Variants in SERPINB13 observed in about 807,000 individuals in gnomAD.
The protein encoded by SERPINB13 is serpin family B member 13.
In SERPINB13, 26 loss-of-function variants were observed where a neutral mutation model predicts 31.2. The ratio of observed to expected loss-of-function variants is 0.83; its 90% confidence interval spans 0.61 to 1.15. The LOEUF is 1.15. SERPINB13 is among the 50% of genes most tolerant of loss of function. The pLI, the probability that SERPINB13 is intolerant of heterozygous loss-of-function variation, is 0.00. For missense variants in SERPINB13, 510 were observed against 469.4 expected (o/e 1.09, Z -0.80); for synonymous variants, 191 against 172.4 (o/e 1.11, Z -0.85).
intron 6 of SERPINB13, among the ~76,000 whole-genome samples, chr18:63,594,705 G>T (rs149256439): frequency 1.3e-5 from 2 of 152,210 alleles, no homozygotes; most frequent in Non-Finnish European, 2.9e-5. Context: ...TGGGTGTGGT[G>T]GTGCACGCCG....
rs1031621048 is a variant in SERPINB13 at position 63,595,148 on chromosome 18, T to C, written c.735T>C (p.Phe245=). The C allele has an allele frequency of 4.3e-6, 7 of 1,613,834 alleles. No homozygotes were observed. In the African/African-American group the frequency reaches 9.3e-5, roughly 22 times the overall value. The stretch of plus-strand genomic sequence containing the variant: ...ATAAAAACAACGACCTAAGCATGTT[T>C]GTGCTTCTGCCCAACGACATCGATG... ...IPYKNNDLSM[F]VLLPNDIDGL... The change falls in exon 7 of 8, where the codon TTT becomes TTC. Residue 245 remains phenylalanine, a synonymous_variant. Transcript: ENST00000344731.
At position 63,592,926 on chromosome 18, in the gene SERPINB13, G is replaced by A; in HGVS notation, c.427G>A (p.Glu143Lys). The change falls in exon 5 of 8, where the codon GAA becomes AAA. Residue 143 changes from glutamate (E) to lysine (K), a missense_variant. By Grantham distance (56) the Glu-to-Lys change is moderately conservative. Coordinates refer to ENST00000344731, the MANE Select transcript of SERPINB13 (RefSeq NM_012397.4). ...TGTTGATTTTGTAAATGCAGCCGATGAAAGTCGAAAGAAGATTAATTCCTG... is the reference window on the plus strand; with the variant it reads ...TGTTGATTTTGTAAATGCAGCCGATAAAAGTCGAAAGAAGATTAATTCCTG... ...EPVDFVNAADESRKKINSWVE... is the reference protein window; with the variant it reads ...EPVDFVNAADKSRKKINSWVE... 1 of 1,613,576 alleles carries A rather than the reference G, an allele frequency of 6.2e-7. No homozygotes were observed. Among genetic ancestry groups the A allele is most frequent in the Non-Finnish European group, 8.5e-7 (1 of 1,179,716 alleles).
At position 63,594,465 on chromosome 18, in the gene SERPINB13, A is replaced by G; in HGVS notation, c.583A>G (p.Asn195Asp). 1 of 1,614,120 alleles carries G rather than the reference A, an allele frequency of 6.2e-7. No individual in the cohort carries two copies. Among genetic ancestry groups the G allele is most frequent in the Non-Finnish European group, 8.5e-7 (1 of 1,179,992 alleles). ...ATGGGACAGGGAGTTTAAGAAAGAAAATACTAAGGAAGAGAAATTTTGGAT... is the reference window on the plus strand; with the variant it reads ...ATGGGACAGGGAGTTTAAGAAAGAAGATACTAAGGAAGAGAAATTTTGGAT... ...GQWDREFKKE[N>D]TKEEKFWMNK... Residue 195 changes from asparagine to aspartate, a missense_variant, in exon 6 of 8, where the codon AAT becomes GAT. Physicochemically the swap from Asn to Asp is conservative, Grantham distance 23 (BLOSUM62 1). Coordinates refer to ENST00000344731, the MANE Select transcript of SERPINB13 (RefSeq NM_012397.4).
chr18:63,594,379 A>G lies in SERPINB13; in HGVS notation c.497A>G (p.Asp166Gly). ...TNEKIKDLFP[D>G]GSISSSTKLV... ...GAAAAAATCAAGGACTTGTTCCCAG[A>G]TGGCTCTATTAGTAGCTCTACCAAG... is the stretch of plus-strand genomic sequence containing the variant. The change falls in exon 6 of 8, where the codon GAT (aspartate) becomes GGT (glycine). Residue 166 changes from aspartate (D) to glycine (G), a missense_variant. Coordinates refer to ENST00000344731, the MANE Select transcript of SERPINB13 (RefSeq NM_012397.4). The G allele has an allele frequency of 1.9e-6, 3 of 1,614,138 alleles. No individual in the cohort carries two copies. The highest frequency in any genetic ancestry group is 8.5e-7 in the Non-Finnish European group (1 of 1,180,022).
chr18:63,594,245 A>G, intron 5 of SERPINB13, 110 bp from the exon 6 acceptor site: 2 of 1,562,246 alleles, frequency 1.3e-6, no homozygotes, highest in Non-Finnish European at 1.7e-6. Flanking sequence ...TCAGGTGCTG[A>G]CCTGGCTGGG....
At chr18:63,593,081 C>A in intron 5 of SERPINB13, 110 bp downstream of exon 5, 1 of 719,330 alleles carries the variant, frequency 1.4e-6, no homozygotes, top group Non-Finnish European at 2.4e-6. Context: ...CTTGTCACTG[C>A]GTGGGGTGCC....
intron 7 of SERPINB13, 58 bp from the exon 8 acceptor site, chr18:63,596,901 A>T: frequency 7.2e-7 from 1 of 1,382,812 alleles, no homozygotes; most frequent in Non-Finnish European, 9.9e-7. Flanking sequence ...TCAGTGTTAC[A>T]CTGTTTTAGA....
At position 63,593,416 on chromosome 18, in the gene SERPINB13, C is replaced by T. The variant is rs1033290317; in HGVS notation, c.472+445C>T. On this transcript the variant is annotated intron_variant, in intron 5 of 7. Transcript: ENST00000344731. Reference sequence around the variant, plus strand: ...CTCTGTCTGTGTTAAATGAGAAACACGCAGCTCTCCCATCAAGACTTGTCG... The same window carrying T: ...CTCTGTCTGTGTTAAATGAGAAACATGCAGCTCTCCCATCAAGACTTGTCG... 6.6e-5 allele frequency among the ~76,000 whole-genome samples: 10 copies of T among 152,116 alleles called. No homozygotes were observed. The East Asian group carries it at 7.7e-4, about 12-fold the overall frequency.
At chr18:63,594,967 G>A in intron 6 of SERPINB13, 62 bp from the exon 7 acceptor site, 1 of 1,467,830 alleles carries the variant, frequency 6.8e-7, no homozygotes, top group East Asian at 2.3e-5. Flanking sequence ...AACTAACTTG[G>A]TTGCCTTAAT....
At position 63,588,659 on chromosome 18, in the gene SERPINB13, A is replaced by G; in HGVS notation, c.-9A>G. 6.2e-7 allele frequency: 1 copy of G among 1,614,110 alleles called. No individual in the cohort carries two copies. Among genetic ancestry groups the G allele is most frequent in the Non-Finnish European group, 8.5e-7 (1 of 1,179,942 alleles). Reference sequence around the variant, plus strand: ...TGTTCTTGCTATTCTAGGTCTCGCTAAAATCATCATGGATTCACTTGGCGC... The same window carrying G: ...TGTTCTTGCTATTCTAGGTCTCGCTGAAATCATCATGGATTCACTTGGCGC... On this transcript the variant is annotated 5_prime_UTR_variant, in exon 2 of 8. An upstream open reading frame in the 5' UTR loses its in-frame stop. Transcript: ENST00000344731.
chr18:63,594,268 A>G (rs1599450491), intron 5 of SERPINB13, 87 bp from the exon 6 acceptor site: 1 of 1,584,060 alleles, frequency 6.3e-7, no homozygotes, highest in East Asian at 2.3e-5. Flanking sequence ...TTTAATGATC[A>G]GTCAAGTCCA....
chr18:63,598,929 G>T lies in SERPINB13; in HGVS notation c.*1566G>T, dbSNP rs530815257. The T allele has an allele frequency of 1.3e-5, 2 of 152,256 alleles. No homozygotes were observed. Among genetic ancestry groups the T allele is most frequent in the East Asian group, 1.9e-4 (1 of 5,182 alleles). The allele number at this position is 152,256 out of a possible 1,614,324, so 9.4% of individuals were successfully genotyped here. On this transcript the variant is annotated 3_prime_UTR_variant, in exon 8 of 8. Transcript: ENST00000344731. ...CCAACATCCAGGATTGTGTCTTTATGATTATAGCCATTTTTGTAGGTACAA... is the reference window on the plus strand; with the variant it reads ...CCAACATCCAGGATTGTGTCTTTATTATTATAGCCATTTTTGTAGGTACAA...
At position 63,592,598 on chromosome 18, in the gene SERPINB13, C is replaced by G. The variant is rs1911921111; in HGVS notation, c.354+122C>G. ...CTGGCCACATCCCTGTGGTGCTTTT[C>G]CATCCTGATCTACAGATATTCAGAA... On this transcript the variant is annotated intron_variant, in intron 4 of 7. Transcript: ENST00000344731. The G allele has an allele frequency of 3.0e-6, 3 of 1,003,672 alleles. No homozygotes were observed. In the African/African-American group the frequency reaches 4.9e-5, roughly 16 times the overall value. The allele number at this position is 1,003,672 out of a possible 1,614,324, so 62.2% of individuals were successfully genotyped here.
chr18:63,597,486 C>T lies in SERPINB13; in HGVS notation c.*123C>T. The stretch of plus-strand genomic sequence containing the variant: ...CACTTGCATTTCCAGTCTTGGCCAT[C>T]AAATCAATGATTTAATGACTCCAAT... On this transcript the variant is annotated 3_prime_UTR_variant, in exon 8 of 8. Transcript: ENST00000344731. The T allele has an allele frequency of 2.0e-6, 2 of 1,019,810 alleles. No individual in the cohort carries two copies. The highest frequency in any genetic ancestry group is 2.9e-6 in the Non-Finnish European group (2 of 699,964). 63.2% of individuals were successfully genotyped at this position (1,019,810 alleles called of 1,614,324 possible).
rs1387554760 is a variant in SERPINB13 at position 63,589,799 on chromosome 18, T to C, written c.225+84T>C. On this transcript the variant is annotated intron_variant, in intron 3 of 7. Transcript: ENST00000344731. ...AGTTGCATTTTAGGTGTGGGGTCTCTGGGGAAAAGGACTGAGAAAGGCATG... is the reference window on the plus strand; with the variant it reads ...AGTTGCATTTTAGGTGTGGGGTCTCCGGGGAAAAGGACTGAGAAAGGCATG... The C allele has an allele frequency of 5.6e-6, 9 of 1,604,054 alleles. No homozygotes were observed. The African/African-American group carries it at 9.4e-5, about 17-fold the overall frequency.
intron 4 of SERPINB13, 130 bp from the exon 5 acceptor site, chr18:63,592,724 T>C: frequency 1.4e-6 from 1 of 722,704 alleles, no homozygotes. Flanking sequence ...CAATGTGAGA[T>C]GCCCAGGGCC....
intron 5 of SERPINB13, 122 bp downstream of exon 5, chr18:63,593,093 T>C: frequency 7.4e-6 from 5 of 672,702 alleles, no homozygotes; most frequent in South Asian, 1.9e-5. Context: ...TGGGGTGCCA[T>C]GCAGTGCACA....
Position 63,597,055 on chromosome 18 carries a change from G to A in SERPINB13, c.868G>A (p.Val290Met). The change falls in exon 8 of 8, where the codon GTG becomes ATG. Residue 290 changes from valine to methionine, a missense_variant. Coordinates refer to ENST00000344731, the MANE Select transcript of SERPINB13 (RefSeq NM_012397.4). Reference sequence around the variant, plus strand: ...GAATCTGCACTTGCCCCGGTTTGAGGTGGAGGACGGTTACGATCTAGAGGC... The same window carrying A: ...GAATCTGCACTTGCCCCGGTTTGAGATGGAGGACGGTTACGATCTAGAGGC... ...KVNLHLPRFE[V>M]EDGYDLEAVL... The A allele has an allele frequency of 6.2e-7, 1 of 1,614,200 alleles. No individual in the cohort carries two copies.
rs905204009 is a variant in SERPINB13 at position 63,597,316 on chromosome 18, A to G, written c.1129A>G (p.Asn377Asp). Residue 377 changes from asparagine (N) to aspartate (D), a missense_variant, in exon 8 of 8, where the codon AAT (asparagine) becomes GAT (aspartate). By Grantham distance (23) the Asn-to-Asp change is conservative (BLOSUM62 1). Coordinates refer to ENST00000344731, the MANE Select transcript of SERPINB13 (RefSeq NM_012397.4). Reference sequence around the variant, plus strand: ...TCCCTTCCTGTTCTTCATCAGGCACAATGAATCCAACAGCATCCTCTTCTT... The same window carrying G: ...TCCCTTCCTGTTCTTCATCAGGCACGATGAATCCAACAGCATCCTCTTCTT... ...NHPFLFFIRHNESNSILFFGR... is the reference protein window; with the variant it reads ...NHPFLFFIRHDESNSILFFGR... The G allele has an allele frequency of 2.5e-6, 4 of 1,614,082 alleles. No individual in the cohort carries two copies. Among genetic ancestry groups the G allele is most frequent in the Non-Finnish European group, 2.5e-6 (3 of 1,180,034 alleles).
Sources: gnomAD v4.1 joint callset for allele counts (sites outside exome capture counted in the v4.1 genomes callset) on GRCh38, gnomAD v4.1.1 for gene constraint, MANE v1.5 for transcripts, NCBI Gene and HGNC (gene_info 2026-07-23, HGNC 2026-07-21) for gene names.